PON3: variants seen among roughly 807,000 people sequenced by gnomAD.
PON3 encodes serum paraoxonase/lactonase 3.
A neutral mutation model predicts 36.3 loss-of-function variants in PON3; 37 were observed. That is an observed-to-expected ratio of 1.02 (90% CI 0.78 to 1.34). The LOEUF (loss-of-function observed/expected upper bound fraction) is 1.34, where lower values mean the gene tolerates loss of function less well. PON3 is among the 40% of genes most tolerant of loss of function. The pLI is 0.00. For missense variants in PON3, 415 were observed against 426.5 expected (o/e 0.97, Z 0.24); for synonymous variants, 155 against 154.8 (o/e 1.00, Z -0.01).
At chr7:95,370,820 C>T (rs1430529241) in intron 4 of PON3, among the ~76,000 whole-genome samples, 2 of 152,126 alleles carry the variant, frequency 1.3e-5, no homozygotes, top group South Asian at 2.1e-4. Flanking sequence ...ATTCACACAC[C>T]ACTGAATTCA....
chr7:95,372,758 G>GA (rs1164043495), intron 3 of PON3, among the ~76,000 whole-genome samples: 3 of 152,132 alleles, frequency 2.0e-5, no homozygotes, highest in Non-Finnish European at 4.4e-5. Context: ...TCAAAGCAGA[G>GA]AGAAGGGGTG....
At chr7:95,364,240 G>T in intron 5 of PON3, 177 bp from the exon 6 acceptor site, 9 of 602,188 alleles carry the variant, frequency 1.5e-5, no homozygotes, top group South Asian at 6.3e-5. Flanking sequence ...TGCCCTGATG[G>T]GTTTTCTTTA....
chr7:95,371,878 C>G (rs996032509), intron 4 of PON3, among the ~76,000 whole-genome samples: 74 of 151,882 alleles, frequency 4.9e-4, no homozygotes, highest in African/African-American at 1.8e-3. Flanking sequence ...AACTAAAGGG[C>G]CTTTAGTTTA....
At chr7:95,374,488 A>T (rs1242646332) in intron 3 of PON3, among the ~76,000 whole-genome samples, 1 of 152,146 alleles carries the variant, frequency 6.6e-6, no homozygotes, top group Non-Finnish European at 1.5e-5. Context: ...GGCCTAAAAA[A>T]TTACAAGGTT....
Position 95,372,251 on chromosome 7 carries a change from C to T in PON3, c.289G>A (p.Ala97Thr). The T allele has an allele frequency of 3.1e-6, 5 of 1,613,832 alleles. No homozygotes were observed. Among genetic ancestry groups the T allele is most frequent in the African/African-American group, 1.3e-5 (1 of 75,016 alleles). The change falls in exon 4 of 9, where the codon GCA becomes ACA. Residue 97 changes from alanine (A) to threonine (T), a missense_variant. Ala to Thr is a moderately conservative substitution (Grantham distance 58). Transcript: ENST00000265627. ...LMDLNEQNPR[A>T]QALEISGGFD... ...CCACCACTGATTTCTAGCGCTTGTG[C>T]CCTTGGGTTTTGTTCATTCAGATCC... is the stretch of plus-strand genomic sequence containing the variant.
At chr7:95,381,390 TAAA>T (rs1809050905) in intron 3 of PON3, among the ~76,000 whole-genome samples, 1 of 152,162 alleles carries the variant, frequency 6.6e-6, no homozygotes, top group Admixed American at 6.5e-5. Flanking sequence ...ATGCTCCAAT[TAAA>T]AGACACAGAC....
intron 3 of PON3, among the ~76,000 whole-genome samples, chr7:95,383,194 G>C (rs1224346912): frequency 6.6e-6 from 1 of 152,068 alleles, no homozygotes; most frequent in Non-Finnish European, 1.5e-5. Context: ...GTATTGATGG[G>C]ACATATCTCA....
chr7:95,388,236 A>T (rs186686146), intron 3 of PON3, among the ~76,000 whole-genome samples: 58 of 152,342 alleles, frequency 3.8e-4, no homozygotes, highest in Non-Finnish European at 6.6e-4. Flanking sequence ...ACTTAAACAA[A>T]TTTACAAGAA....
intron 4 of PON3, among the ~76,000 whole-genome samples, chr7:95,371,279 G>A (rs11768074): frequency 0.11 from 17,416 of 151,952 alleles, 1,317 homozygotes; most frequent in South Asian, 0.23. Context: ...GTTTTTGCAT[G>A]GATAGGTTTT....
At chr7:95,382,930 G>A (rs1378758032) in intron 3 of PON3, among the ~76,000 whole-genome samples, 1 of 152,174 alleles carries the variant, frequency 6.6e-6, no homozygotes, top group Non-Finnish European at 1.5e-5. Flanking sequence ...TATTCCTGAT[G>A]AACATTGATG....
chr7:95,364,871 C>T (rs1262641098), intron 5 of PON3: 4 of 150,320 alleles, frequency 2.7e-5, no homozygotes, highest in African/African-American at 4.9e-5. Flanking sequence ...TCTTACAATC[C>T]GTAAGAAAAA....
chr7:95,362,097 C>T (rs535712215), intron 8 of PON3, among the ~76,000 whole-genome samples: 3 of 152,120 alleles, frequency 2.0e-5, no homozygotes, highest in South Asian at 2.1e-4. Context: ...ATTGGAAATA[C>T]GATATGGCAA....
rs1465108593 is a variant in PON3, at chr7:95,390,203, C to T, written c.152G>A (p.Gly51Asp). The stretch of plus-strand genomic sequence containing the variant: ...AGGAAGTATATCAATATCTTCAGAG[C>T]CACTTTCTGCAAAAGAAGGGTAGAA... Reference protein sequence around the residue: ...NCHLIEELESGSEDIDILPSG... With the variant: ...NCHLIEELESDSEDIDILPSG... The change falls in exon 3 of 9, where the codon GGC (glycine) becomes GAC (aspartate). Residue 51 changes from glycine (G) to aspartate (D), a missense_variant. Physicochemically the swap from Gly to Asp is moderately conservative, Grantham distance 94. Coordinates refer to ENST00000265627, the MANE Select transcript of PON3 (RefSeq NM_000940.3). 4 of 1,610,726 alleles carry T rather than the reference C, an allele frequency of 2.5e-6. No individual in the cohort carries two copies. Among genetic ancestry groups the T allele is most frequent in the East Asian group, 2.2e-5 (1 of 44,852 alleles).
chr7:95,359,943 C>CTTT lies in PON3; in HGVS notation c.*27_*29dup, dbSNP rs76171675. 421 of 1,464,800 alleles carry CTTT rather than the reference C, an allele frequency of 2.9e-4. No individual in the cohort carries two copies. Among genetic ancestry groups the CTTT allele is most frequent in the East Asian group, 2.1e-3 (87 of 42,242 alleles). The allele number at this position is 1,464,800 out of a possible 1,614,324, so 90.7% of individuals were successfully genotyped here. A position where few individuals can be genotyped will look rare whatever the true frequency, so the allele number is the denominator to read the frequency against. ...AGTTTACTTTTACAAAATATGTAGA[C>CTTT]TTTTTTTTTTTTTTTTTACTATCTA... On this transcript the variant is annotated 3_prime_UTR_variant, in exon 9 of 9. Coordinates refer to ENST00000265627, the MANE Select transcript of PON3 (RefSeq NM_000940.3).
chr7:95,392,147 T>C (rs141236838), intron 2 of PON3, among the ~76,000 whole-genome samples: 1 of 152,230 alleles, frequency 6.6e-6, no homozygotes, highest in African/African-American at 2.4e-5. Context: ...AGGCCTTTGA[T>C]AAAGCAGCTT....
intron 3 of PON3, among the ~76,000 whole-genome samples, chr7:95,383,080 A>T (rs1013668452): frequency 1.3e-5 from 2 of 152,206 alleles, no homozygotes; most frequent in Admixed American, 1.3e-4. Flanking sequence ...TTCGGCATAT[A>T]AACAGAACTG....
chr7:95,385,579 T>C (rs1289956019), intron 3 of PON3, among the ~76,000 whole-genome samples: 1 of 152,106 alleles, frequency 6.6e-6, no homozygotes, highest in African/African-American at 2.4e-5. Context: ...CTCATAGACA[T>C]ACACAGAACT....
intron 3 of PON3, among the ~76,000 whole-genome samples, chr7:95,373,500 T>C (rs928618920): frequency 6.6e-6 from 1 of 152,110 alleles, no homozygotes; most frequent in Non-Finnish European, 1.5e-5. Flanking sequence ...CCCTCTTTAT[T>C]CTCCTTAAGT....
intron 6 of PON3, 90 bp downstream of exon 6, chr7:95,363,773 A>T: frequency 8.0e-7 from 1 of 1,256,474 alleles, no homozygotes. Flanking sequence ...TCACTACGTA[A>T]GCCTAAGTAA....
Sources: allele counts gnomAD v4.1 joint callset (sites outside exome capture counted in the v4.1 genomes callset), GRCh38; gene constraint gnomAD v4.1.1; transcripts MANE v1.5; gene names NCBI Gene and HGNC (gene_info 2026-07-23, HGNC 2026-07-21).